Variants in SORCS2 observed in about 807,000 individuals in gnomAD.
The protein encoded by SORCS2 is VPS10 domain-containing receptor SorCS2.
SORCS2 carries 100 observed loss-of-function variants against 141.6 expected under a neutral mutation model. That is an observed-to-expected ratio of 0.71 (90% CI 0.60 to 0.83). The LOEUF is 0.83. Ranked by LOEUF, SORCS2 falls within the 40% of genes least tolerant of loss-of-function variation. SORCS2 has a pLI of 0.00. For synonymous variants in SORCS2, 789 were observed against 676.9 expected (o/e 1.17, Z -2.57); for missense variants, 1,646 against 1,560.2 (o/e 1.05, Z -0.93).
intron 19 of SORCS2, among the ~76,000 whole-genome samples, chr4:7,724,910 T>TGGTGGAGGTGA (rs1560115059): frequency 3.5e-5 from 1 of 28,416 alleles, no homozygotes; most frequent in Non-Finnish European, 6.5e-5. Flanking sequence ...GGTGATAGTA[T>TGGTGGAGGTGA]TGGTGGGAAT....
intron 3 of SORCS2, among the ~76,000 whole-genome samples, chr4:7,596,740 G>A (rs1717300801): frequency 6.6e-6 from 1 of 152,108 alleles, no homozygotes; most frequent in Admixed American, 6.5e-5. Flanking sequence ...AGGGCTCTCT[G>A]TTCTCTGAGC....
chr4:7,711,204 G>A (rs1169571555), intron 14 of SORCS2, among the ~76,000 whole-genome samples: 2 of 152,222 alleles, frequency 1.3e-5, no homozygotes, highest in Non-Finnish European at 1.5e-5. Flanking sequence ...AGGCAAATGC[G>A]AGGTCACAGA....
At chr4:7,639,868 C>T (rs763919439) in intron 4 of SORCS2, among the ~76,000 whole-genome samples, 86 of 144,828 alleles carry the variant, frequency 5.9e-4, no homozygotes, top group Admixed American at 5.4e-3. Context: ...TGTGTGATTG[C>T]GTGTATGAGT....
At chr4:7,243,387 C>T (rs1052511152) in intron 1 of SORCS2, among the ~76,000 whole-genome samples, 1 of 152,126 alleles carries the variant, frequency 6.6e-6, no homozygotes, top group Admixed American at 6.5e-5. Flanking sequence ...TCTCCAAGAC[C>T]ACCCCTAGGA....
At chr4:7,659,861 C>T (rs1034619199) in intron 5 of SORCS2, among the ~76,000 whole-genome samples, 4 of 152,134 alleles carry the variant, frequency 2.6e-5, no homozygotes, top group East Asian at 1.9e-4. Context: ...TTATTTGGTA[C>T]GCAATGCTGT....
chr4:7,636,343 C>T (rs1252190847), intron 3 of SORCS2, among the ~76,000 whole-genome samples: 1 of 152,202 alleles, frequency 6.6e-6, no homozygotes, highest in Admixed American at 6.5e-5. Flanking sequence ...CTGTGTAAGC[C>T]AGGACTCTAC....
intron 4 of SORCS2, among the ~76,000 whole-genome samples, chr4:7,652,016 C>A (rs1054932730): frequency 6.6e-6 from 1 of 152,214 alleles, no homozygotes; most frequent in Admixed American, 6.5e-5. Context: ...TTCCAAGATG[C>A]CACATTTGCG....
At chr4:7,291,309 G>C (rs865985382) in intron 1 of SORCS2, among the ~76,000 whole-genome samples, 11 of 152,164 alleles carry the variant, frequency 7.2e-5, no homozygotes, top group Admixed American at 1.3e-4. Context: ...GCTTTTCACA[G>C]CAGCTTCATG....
chr4:7,515,797 C>A (rs754150168), intron 2 of SORCS2, among the ~76,000 whole-genome samples: 1 of 152,228 alleles, frequency 6.6e-6, no homozygotes, highest in Non-Finnish European at 1.5e-5. Flanking sequence ...AGCTCTCTGC[C>A]TAACACAGGC....
In SORCS2 at chr4:7,724,147, CGTG is replaced by C. The variant is rs1184606330; in HGVS notation, c.2611+277_2611+279del. ...TGGTGGTGGTGGTGGTGGTGATGGT[CGTG>C]GTGGTGGTGGTGATGGTGGTGATGG... On this transcript the variant is annotated intron_variant, in intron 19 of 26. Coordinates refer to ENST00000507866, the MANE Select transcript of SORCS2 (RefSeq NM_020777.3). Among the ~76,000 whole-genome samples, 584 of 110,582 alleles carry C rather than the reference CGTG, an allele frequency of 5.3e-3. 9 individuals are homozygous for C. The highest frequency in any genetic ancestry group is 3.7e-3 in the Non-Finnish European group (196 of 52,578). The allele number at this position is 110,582 out of a possible 152,430, so 72.5% of individuals were successfully genotyped here. A position where few individuals can be genotyped will look rare whatever the true frequency, so the allele number is the denominator to read the frequency against.
intron 1 of SORCS2, among the ~76,000 whole-genome samples, chr4:7,244,429 C>T (rs1483832968): frequency 6.6e-6 from 1 of 152,258 alleles, no homozygotes; most frequent in Non-Finnish European, 1.5e-5. Context: ...GAGTGGACGG[C>T]GTTCCATCTT....
intron 1 of SORCS2, among the ~76,000 whole-genome samples, chr4:7,243,090 C>G (rs751680778): frequency 6.6e-6 from 1 of 152,182 alleles, no homozygotes; most frequent in Non-Finnish European, 1.5e-5. Context: ...GCTGACCCCA[C>G]CCCACAGGCT....
chr4:7,584,246 G>A (rs1052316575), intron 3 of SORCS2, among the ~76,000 whole-genome samples: 12 of 152,190 alleles, frequency 7.9e-5, no homozygotes, highest in Non-Finnish European at 1.6e-4. Flanking sequence ...AAGAGCATGG[G>A]AATCCCAGTG....
intron 12 of SORCS2, among the ~76,000 whole-genome samples, chr4:7,700,759 G>A (rs554817650): frequency 8.5e-5 from 13 of 152,174 alleles, no homozygotes; most frequent in Non-Finnish European, 1.3e-4. Flanking sequence ...GAGCATTGGG[G>A]GACATCTGGG....
intron 2 of SORCS2, among the ~76,000 whole-genome samples, chr4:7,460,935 C>A (rs1048334642): frequency 1.3e-5 from 2 of 151,462 alleles, no homozygotes; most frequent in African/African-American, 4.9e-5. Context: ...AACACAGGCA[C>A]CCGGTTTCCA....
At chr4:7,701,691 G>C (rs932276415) in intron 12 of SORCS2, among the ~76,000 whole-genome samples, 2 of 152,202 alleles carry the variant, frequency 1.3e-5, no homozygotes, top group African/African-American at 2.4e-5. Flanking sequence ...AGGTCTGCTG[G>C]GGTTCATGTT....
intron 3 of SORCS2, among the ~76,000 whole-genome samples, chr4:7,616,022 T>G (rs753933880): frequency 2.8e-4 from 43 of 152,258 alleles, no homozygotes; most frequent in Non-Finnish European, 5.0e-4. Flanking sequence ...AGTTACTTCT[T>G]TATTGGAAAT....
intron 3 of SORCS2, among the ~76,000 whole-genome samples, chr4:7,565,087 G>A (rs539172892): frequency 6.6e-6 from 1 of 152,318 alleles, no homozygotes; most frequent in African/African-American, 2.4e-5. Flanking sequence ...AGAGGGAGGG[G>A]GAGCAAGGGC....
intron 1 of SORCS2, among the ~76,000 whole-genome samples, chr4:7,335,839 C>A (rs911996984): frequency 2.0e-5 from 3 of 152,208 alleles, no homozygotes; most frequent in Non-Finnish European, 4.4e-5. Flanking sequence ...AGGAGGGATG[C>A]CTGGCATGGA....
Sources: allele counts gnomAD v4.1 joint callset (sites outside exome capture counted in the v4.1 genomes callset), GRCh38; gene constraint gnomAD v4.1.1; transcripts MANE v1.5; gene names NCBI Gene and HGNC (gene_info 2026-07-23, HGNC 2026-07-21).